FUT8: variants seen among roughly 807,000 people sequenced by gnomAD.
The protein encoded by FUT8 is alpha-(1,6)-fucosyltransferase.
In FUT8, 29 loss-of-function variants were observed where a neutral mutation model predicts 71.3. That is an observed-to-expected ratio of 0.41 (90% CI 0.30 to 0.55). The LOEUF (loss-of-function observed/expected upper bound fraction) is 0.55, where lower values mean the gene tolerates loss of function less well. FUT8 is among the 20% of genes least tolerant of loss of function. The pLI is 0.34. For missense variants in FUT8, 544 were observed against 702.1 expected (o/e 0.77, Z 2.55); for synonymous variants, 254 against 239.3 (o/e 1.06, Z -0.57).
At chr14:65,642,268 G>T (rs916477084) in intron 6 of FUT8, among the ~76,000 whole-genome samples, 1 of 151,986 alleles carries the variant, frequency 6.6e-6, no homozygotes, top group Non-Finnish European at 1.5e-5. Flanking sequence ...TTTTTTCAAA[G>T]ATTATGTCTT....
the FUT8 span, among the ~76,000 whole-genome samples, chr14:65,365,844 C>CT: frequency 5.2e-4 from 76 of 146,734 alleles, no homozygotes; most frequent in Middle Eastern, 3.5e-3. Flanking sequence ...ACTTTCTTTT[C>CT]TTTTTTTTTT....
At chr14:65,507,529 C>A (rs995707347) in intron 2 of FUT8, among the ~76,000 whole-genome samples, 1 of 152,130 alleles carries the variant, frequency 6.6e-6, no homozygotes, top group Non-Finnish European at 1.5e-5. Flanking sequence ...ATTTTTAGAT[C>A]CCACAAATAA....
intron 3 of FUT8, among the ~76,000 whole-genome samples, chr14:65,589,441 CTT>C (rs35606286): frequency 3.6e-5 from 4 of 109,948 alleles, no homozygotes; most frequent in Admixed American, 1.1e-4. Context: ...TGCCTTAAAT[CTT>C]TTTTTTTTTT....
In FUT8 at chr14:65,663,972, AAAG is replaced by A. The variant is rs370827006; in HGVS notation, c.598-5260_598-5258del. 3.8e-4 allele frequency among the ~76,000 whole-genome samples: 58 copies of A among 152,234 alleles called. 3 individuals carry two copies. Among genetic ancestry groups the A allele is most frequent in the African/African-American group, 9.4e-4 (39 of 41,584 alleles). The stretch of plus-strand genomic sequence containing the variant: ...TTCCTTCACTCTTTTTTTCCTTAAA[AAAG>A]AAGAAGAAGACTAACATAAGATGTA... On this transcript the variant is annotated intron_variant, in intron 6 of 10. Transcript: ENST00000673929.
At chr14:65,601,256 T>C (rs1403134957) in intron 3 of FUT8, among the ~76,000 whole-genome samples, 1 of 152,202 alleles carries the variant, frequency 6.6e-6, no homozygotes, top group South Asian at 2.1e-4. Flanking sequence ...AGTGATATTT[T>C]CTTTCAATAG....
At chr14:65,370,677 T>C in the FUT8 span, among the ~76,000 whole-genome samples, 3 of 151,498 alleles carry the variant, frequency 2.0e-5, no homozygotes, top group East Asian at 5.8e-4. Context: ...TAATTTGTCT[T>C]GAAACTGTAG....
chr14:65,616,360 G>T lies in FUT8; in HGVS notation c.469G>T (p.Gly157Ter). The T allele has an allele frequency of 6.3e-7, 1 of 1,598,218 alleles. No homozygotes were observed. The highest frequency in any genetic ancestry group is 8.5e-7 in the Non-Finnish European group (1 of 1,173,836). ...TGCAGATGAATTTCTTTTGGATTTA[G>T]GACATCATGAAAGGTACTATTCTCC... Reference protein sequence around the residue: ...RHADEFLLDLGHHERSIMTDL... With the variant: ...RHADEFLLDL The change falls in exon 5 of 11, where the codon GGA (glycine) becomes TGA (stop). Residue 157 changes from glycine to a stop codon, truncating the protein, a stop_gained. Coordinates refer to ENST00000673929, the MANE Select transcript of FUT8 (RefSeq NM_001371533.1). LOFTEE classifies it high-confidence loss of function.
chr14:65,654,713 G>T (rs1442659321), intron 6 of FUT8, among the ~76,000 whole-genome samples: 1 of 151,966 alleles, frequency 6.6e-6, no homozygotes, highest in African/African-American at 2.4e-5. Flanking sequence ...ACTAAAAAAG[G>T]TTCAGAGTAT....
chr14:65,718,836 T>C (rs1308547857), intron 7 of FUT8, among the ~76,000 whole-genome samples: 1 of 152,212 alleles, frequency 6.6e-6, no homozygotes, highest in African/African-American at 2.4e-5. Context: ...CTGTCAGACA[T>C]ATTGGAGCTC....
intron 7 of FUT8, among the ~76,000 whole-genome samples, chr14:65,698,873 G>A (rs1160065116): frequency 1.3e-5 from 2 of 152,058 alleles, no homozygotes; most frequent in Admixed American, 1.3e-4. Context: ...TTATGTTTAT[G>A]TCCTTGTTCC....
chr14:65,511,328 T>C (rs960876739), intron 2 of FUT8, among the ~76,000 whole-genome samples: 16 of 152,172 alleles, frequency 1.1e-4, no homozygotes, highest in African/African-American at 3.6e-4. Flanking sequence ...TTTTGTGACC[T>C]AACATATGGT....
At chr14:65,548,289 GT>G (rs1885088447) in intron 2 of FUT8, among the ~76,000 whole-genome samples, 1 of 152,018 alleles carries the variant, frequency 6.6e-6, no homozygotes, top group South Asian at 2.1e-4. Flanking sequence ...TCAACCTATA[GT>G]TTTTCCCTTT....
chr14:65,576,049 T>G (rs1160826926), intron 3 of FUT8, among the ~76,000 whole-genome samples: 2 of 152,228 alleles, frequency 1.3e-5, no homozygotes, highest in Non-Finnish European at 2.9e-5. Flanking sequence ...TAAATTAAAT[T>G]TGACTTTCTC....
chr14:65,380,563 G>A, the FUT8 span, among the ~76,000 whole-genome samples: 1 of 152,206 alleles, frequency 6.6e-6, no homozygotes, highest in Admixed American at 6.5e-5. Flanking sequence ...TCACGCTGTG[G>A]AGAGCCAAGT....
In FUT8 at chr14:65,702,360, A is replaced by AG. The variant is rs1316814456; in HGVS notation, c.836-19412dup. 3.4e-3 allele frequency among the ~76,000 whole-genome samples: 512 copies of AG among 151,144 alleles called. 1 individual carries two copies. The highest frequency in any genetic ancestry group is 0.012 in the African/African-American group (483 of 41,212). On this transcript the variant is annotated intron_variant, in intron 7 of 10. Coordinates refer to ENST00000673929, the MANE Select transcript of FUT8 (RefSeq NM_001371533.1). ...AACTCCATCTCAAAAAAAAAAAAAA[A>AG]GGGAACAAGAAAGTACCTCATCACA...
chr14:65,403,962 A>C, the FUT8 span, among the ~76,000 whole-genome samples: 1 of 151,680 alleles, frequency 6.6e-6, no homozygotes, highest in Non-Finnish European at 1.5e-5. Flanking sequence ...CAATGGCATG[A>C]TCTCGGCTCA....
At chr14:65,590,617 T>C in intron 3 of FUT8, among the ~76,000 whole-genome samples, 1 of 152,174 alleles carries the variant, frequency 6.6e-6, no homozygotes, top group East Asian at 1.9e-4. Context: ...GTATCTGGAA[T>C]ACATTAGGTA....
chr14:65,409,403 A>G (rs1196466117), upstream of FUT8, among the ~76,000 whole-genome samples: 1 of 152,146 alleles, frequency 6.6e-6, no homozygotes, highest in Admixed American at 6.5e-5. This position sits in a 1 kb window ranked among gnomAD's most constrained non-coding sequence, Gnocchi z 5.4. Flanking sequence ...AGATCTCCCC[A>G]CCGTAATAAC....
chr14:65,642,584 C>T (rs1890891271), intron 6 of FUT8, among the ~76,000 whole-genome samples: 1 of 127,568 alleles, frequency 7.8e-6, no homozygotes. Flanking sequence ...GCCTGGGTGA[C>T]AGAGTGAGAC....
Sources: gnomAD v4.1 joint callset for allele counts (sites outside exome capture counted in the v4.1 genomes callset) on GRCh38, gnomAD v4.1.1 for gene constraint, Gnocchi (gnomAD v3.1) non-coding constraint, MANE v1.5 for transcripts, NCBI Gene and HGNC (gene_info 2026-07-23, HGNC 2026-07-21) for gene names.